ASTN2: variants seen among roughly 807,000 people sequenced by gnomAD.
The protein encoded by ASTN2 is astrotactin 2.
ASTN2 carries 54 observed loss-of-function variants against 139.8 expected under a neutral mutation model. That is an observed-to-expected ratio of 0.39 (90% CI 0.31 to 0.48). The LOEUF (loss-of-function observed/expected upper bound fraction) is 0.48, where lower values mean the gene tolerates loss of function less well. Among genes scored for constraint, ASTN2 ranks in the 20% least tolerant of loss-of-function variants. The pLI is 0.95. For missense variants in ASTN2, 1,565 were observed against 1,725.1 expected, an observed-to-expected ratio of 0.91 and a Z score of 1.64; for synonymous variants, 756 against 719.5, an observed-to-expected ratio of 1.05 and a Z score of -0.81.
intron 17 of ASTN2, among the ~76,000 whole-genome samples, chr9:116,630,610 A>T (rs1856698838): frequency 6.6e-6 from 1 of 152,114 alleles, no homozygotes. Context: ...CCAAATAATG[A>T]CTTAATAAAA....
intron 11 of ASTN2, among the ~76,000 whole-genome samples, chr9:116,832,841 T>C (rs1352983009): frequency 6.6e-6 from 1 of 152,112 alleles, no homozygotes; most frequent in African/African-American, 2.4e-5. Context: ...TTTTGAACTA[T>C]CTTTGTCTGC....
chr9:117,150,765 T>C (rs912297537), intron 3 of ASTN2, among the ~76,000 whole-genome samples: 1 of 152,168 alleles, frequency 6.6e-6, no homozygotes, highest in Non-Finnish European at 1.5e-5. Flanking sequence ...TGCAGTCATA[T>C]AGCTTACTGC....
chr9:117,146,672 G>T (rs912007276), intron 3 of ASTN2, among the ~76,000 whole-genome samples: 7 of 151,884 alleles, frequency 4.6e-5, no homozygotes, highest in Admixed American at 2.0e-4. Context: ...TCATGGTGAG[G>T]GATACAAGAC....
intron 19 of ASTN2, among the ~76,000 whole-genome samples, chr9:116,530,124 TATATATATATATATATATATATATATAA>T (rs1242589814): frequency 0.12 from 7,960 of 64,812 alleles, 611 homozygotes; most frequent in East Asian, 0.14. Context: ...TATATATATA[TATATATATATATATATATATATATATAA>T]AATAGAATAT....
intron 3 of ASTN2, chr9:117,181,068 C>T (rs1831052803): frequency 7.3e-7 from 1 of 1,369,250 alleles, no homozygotes; most frequent in Admixed American, 1.7e-5. Context: ...TCTGAAAGGC[C>T]TGTTTCCATG....
At chr9:116,999,678 A>G (rs1000052979) in intron 7 of ASTN2, among the ~76,000 whole-genome samples, 1 of 146,316 alleles carries the variant, frequency 6.8e-6, no homozygotes, top group Admixed American at 7.0e-5. Flanking sequence ...TTGTGCCTCA[A>G]CCTCCCAAGT....
At chr9:117,103,145 C>G (rs1281454106) in intron 4 of ASTN2, among the ~76,000 whole-genome samples, 1 of 152,152 alleles carries the variant, frequency 6.6e-6, no homozygotes, top group East Asian at 1.9e-4. Flanking sequence ...ATTCTTTAAA[C>G]AATCATTTAC....
chr9:116,900,402 G>C (rs1833978527), intron 10 of ASTN2, among the ~76,000 whole-genome samples: 4 of 152,056 alleles, frequency 2.6e-5, no homozygotes, highest in Admixed American at 2.6e-4. Flanking sequence ...GATGCTTTTT[G>C]ATCTTCTCCC....
At chr9:117,336,865 C>T (rs529162760) in intron 1 of ASTN2, among the ~76,000 whole-genome samples, 2 of 152,212 alleles carry the variant, frequency 1.3e-5, no homozygotes, top group South Asian at 2.1e-4. Flanking sequence ...AAGCTTTAGC[C>T]ATTATGAAAA....
Position 116,842,045 on chromosome 9 carries a change from C to T in ASTN2, c.2041-21262G>A, listed in dbSNP as rs1311048457. ...GGGGCCAAATGAGGTTCTCTTTTCC[C>T]TGAACCACATGGAGGTGGCTTGTCT... On this transcript the variant is annotated intron_variant, in intron 11 of 22. Transcript: ENST00000313400. 2.0e-5 allele frequency among the ~76,000 whole-genome samples: 3 copies of T among 152,306 alleles called. No homozygotes were observed. The East Asian group carries it at 5.8e-4, about 29-fold the overall frequency.
intron 19 of ASTN2, among the ~76,000 whole-genome samples, chr9:116,608,425 C>G (rs1216329932): frequency 6.6e-6 from 1 of 152,206 alleles, no homozygotes; most frequent in African/African-American, 2.4e-5. Flanking sequence ...GTAGAGCACA[C>G]TGAAGGGTCC....
intron 13 of ASTN2, among the ~76,000 whole-genome samples, chr9:116,780,131 T>A (rs532818276): frequency 6.6e-6 from 1 of 152,324 alleles, no homozygotes; most frequent in East Asian, 1.9e-4. Flanking sequence ...CTAGAAGATA[T>A]AATCTCTGCT....
intron 19 of ASTN2, among the ~76,000 whole-genome samples, chr9:116,597,304 T>TGTTTTTTTTTG (rs949074211): frequency 7.5e-6 from 1 of 133,494 alleles, no homozygotes; most frequent in Non-Finnish European, 1.6e-5. Flanking sequence ...GATCTATTTT[T>TGTTTTTTTTTG]TTTTTTTTTT....
chr9:117,412,857 G>C (rs1459899662), intron 1 of ASTN2, among the ~76,000 whole-genome samples: 1 of 152,190 alleles, frequency 6.6e-6, no homozygotes, highest in Non-Finnish European at 1.5e-5. Context: ...AGGTTAGTCC[G>C]GCGGCGCTCT....
chr9:116,972,960 A>G (rs1054198990), intron 10 of ASTN2, among the ~76,000 whole-genome samples: 2 of 152,210 alleles, frequency 1.3e-5, no homozygotes, highest in Admixed American at 6.5e-5. Context: ...TTAAATTTCC[A>G]ACATACCATC....
intron 16 of ASTN2, among the ~76,000 whole-genome samples, chr9:116,675,744 AGTTAC>A (rs1381345210): frequency 3.3e-5 from 5 of 152,040 alleles, no homozygotes; most frequent in Non-Finnish European, 5.9e-5. Context: ...TTATTTGTCT[AGTTAC>A]ATTTGGTGAG....
chr9:117,325,616 C>T (rs543581244), intron 1 of ASTN2, among the ~76,000 whole-genome samples: 9 of 152,038 alleles, frequency 5.9e-5, no homozygotes, highest in East Asian at 5.8e-4. Flanking sequence ...TGTGTCCTCA[C>T]GGAGACTGAT....
At chr9:117,394,758 A>G (rs1025633932) in intron 1 of ASTN2, among the ~76,000 whole-genome samples, 7 of 152,198 alleles carry the variant, frequency 4.6e-5, no homozygotes, top group Admixed American at 2.0e-4. Context: ...GTGTAGGCAA[A>G]GGAACTGTGA....
At chr9:117,072,270 G>A (rs180870165) in intron 5 of ASTN2, among the ~76,000 whole-genome samples, 1 of 152,224 alleles carries the variant, frequency 6.6e-6, no homozygotes, top group East Asian at 1.9e-4. Flanking sequence ...ATCTTGTTTG[G>A]TATTCCAGCT....
Sources: allele counts gnomAD v4.1 joint callset (sites outside exome capture counted in the v4.1 genomes callset), GRCh38; gene constraint gnomAD v4.1.1; transcripts MANE v1.5; gene names NCBI Gene and HGNC (gene_info 2026-07-23, HGNC 2026-07-21).